GAS2L3: variants seen among roughly 807,000 people sequenced by gnomAD.
GAS2L3 encodes GAS2-like protein 3.
In GAS2L3, 28 loss-of-function variants were observed where a neutral mutation model predicts 37.0. That is an observed-to-expected ratio of 0.76 (90% CI 0.56 to 1.04). GAS2L3 has a LOEUF of 1.04. Ranked by LOEUF, GAS2L3 falls within the 50% of genes least tolerant of loss-of-function variation. GAS2L3 has a pLI of 0.00. For synonymous variants in GAS2L3, 290 were observed against 296.6 expected, an observed-to-expected ratio of 0.98 and a Z score of 0.23; for missense variants, 793 against 817.6, an observed-to-expected ratio of 0.97 and a Z score of 0.37.
At chr12:100,584,579 CT>C (rs1229412743) in intron 1 of GAS2L3, among the ~76,000 whole-genome samples, 150 of 145,330 alleles carry the variant, frequency 1.0e-3, no homozygotes, top group Non-Finnish European at 1.1e-3. Context: ...ACTTGAATGT[CT>C]TTTTTTTTTT....
intron 8 of GAS2L3, chr12:100,618,817 G>A: frequency 2.4e-6 from 1 of 425,358 alleles, no homozygotes; most frequent in Non-Finnish European, 4.1e-6. Context: ...GGAGTGGTGG[G>A]GCAAACAGAT....
intron 6 of GAS2L3, among the ~76,000 whole-genome samples, chr12:100,617,161 C>T (rs982554417): frequency 6.6e-6 from 1 of 152,090 alleles, no homozygotes; most frequent in Non-Finnish European, 1.5e-5. Flanking sequence ...GGCATAAATG[C>T]CACTTGCATG....
In GAS2L3 at chr12:100,625,657, G is replaced by A. The variant is rs893631430; in HGVS notation, c.*767G>A. 2.6e-5 allele frequency: 4 copies of A among 152,126 alleles called. No homozygotes were observed. The highest frequency in any genetic ancestry group is 9.6e-5 in the African/African-American group (4 of 41,494). 9.4% of individuals were successfully genotyped at this position (152,126 alleles called of 1,614,324 possible). On this transcript the variant is annotated 3_prime_UTR_variant, in exon 10 of 10. Transcript: ENST00000547754. ...AGACACCTTATGTTTCACATGTTGT[G>A]CAATGTGACAGGGGAAGCTGATTTA...
intron 1 of GAS2L3, among the ~76,000 whole-genome samples, chr12:100,585,723 T>C (rs1456685336): frequency 1.3e-5 from 2 of 152,202 alleles, no homozygotes; most frequent in Non-Finnish European, 2.9e-5. Flanking sequence ...TCTCTGACAG[T>C]TGCCAAATCC....
intron 1 of GAS2L3, chr12:100,578,941 G>A (rs1221526661): frequency 3.3e-6 from 3 of 919,142 alleles, no homozygotes; most frequent in Admixed American, 1.8e-5. Context: ...GAGGGGATAA[G>A]GTTATAATTG....
intron 3 of GAS2L3, among the ~76,000 whole-genome samples, 188 bp from the exon 4 acceptor site, chr12:100,600,194 C>G (rs913276220): frequency 1.3e-5 from 2 of 152,144 alleles, no homozygotes; most frequent in African/African-American, 2.4e-5. Flanking sequence ...TCACTGCACT[C>G]TAGCCTGGGC....
At chr12:100,612,898 A>G (rs915396703) in intron 6 of GAS2L3, among the ~76,000 whole-genome samples, 3 of 152,182 alleles carry the variant, frequency 2.0e-5, no homozygotes, top group Non-Finnish European at 2.9e-5. Context: ...GTAAAAAGCA[A>G]ACTGACTTTT....
chr12:100,598,688 C>T (rs1955945132), intron 3 of GAS2L3, among the ~76,000 whole-genome samples: 1 of 151,992 alleles, frequency 6.6e-6, no homozygotes, highest in Non-Finnish European at 1.5e-5. Flanking sequence ...TGGTATAATC[C>T]ATTCCTATCA....
chr12:100,614,661 G>T (rs1956165362), intron 6 of GAS2L3, among the ~76,000 whole-genome samples: 1 of 152,118 alleles, frequency 6.6e-6, no homozygotes, highest in Non-Finnish European at 1.5e-5. Context: ...TGGAAAATCT[G>T]TACCTATTAG....
intron 5 of GAS2L3, 89 bp from the exon 6 acceptor site, chr12:100,611,911 G>T: frequency 1.2e-6 from 1 of 854,744 alleles, no homozygotes; most frequent in Non-Finnish European, 1.9e-6. Context: ...ACAGGTGATG[G>T]ATTGAACATT....
chr12:100,618,656 G>A lies in GAS2L3; in HGVS notation c.648+69G>A, dbSNP rs906154025. On this transcript the variant is annotated intron_variant, in intron 8 of 9. Coordinates refer to ENST00000547754, the MANE Select transcript of GAS2L3 (RefSeq NM_174942.3). The stretch of plus-strand genomic sequence containing the variant: ...TCTCATAGTTTTAAGCACTTCTAGT[G>A]TGCTACAGGTGATGCTATTTTTAAA... 10 of 1,333,484 alleles carry A rather than the reference G, an allele frequency of 7.5e-6. No homozygotes were observed. In the Admixed American group the frequency reaches 1.4e-4, roughly 19 times the overall value. 82.6% of individuals were successfully genotyped at this position (1,333,484 alleles called of 1,614,324 possible). A position where few individuals can be genotyped will look rare whatever the true frequency, so the allele number is the denominator to read the frequency against.
chr12:100,606,020 A>G (rs1359210360), intron 5 of GAS2L3, among the ~76,000 whole-genome samples: 1 of 151,990 alleles, frequency 6.6e-6, no homozygotes, highest in African/African-American at 2.4e-5. Context: ...TCTATAGTGA[A>G]GATTAAGTCT....
intron 1 of GAS2L3, chr12:100,579,810 G>T: frequency 1.4e-6 from 1 of 723,714 alleles, no homozygotes; most frequent in Non-Finnish European, 2.5e-6. Context: ...ATCTTTGTGT[G>T]AGGGATTGGA....
chr12:100,580,131 C>T (rs1955692499), intron 1 of GAS2L3: 1 of 847,606 alleles, frequency 1.2e-6, no homozygotes, highest in Non-Finnish European at 2.1e-6. Flanking sequence ...CAAGGGGTGC[C>T]TGGACTCATA....
intron 5 of GAS2L3, among the ~76,000 whole-genome samples, chr12:100,608,754 G>A (rs555393191): frequency 5.9e-5 from 9 of 152,032 alleles, no homozygotes; most frequent in Admixed American, 2.0e-4. Flanking sequence ...CTCGTGATCC[G>A]CCCGCCTCGG....
intron 1 of GAS2L3, among the ~76,000 whole-genome samples, chr12:100,574,702 C>G (rs1227867533): frequency 6.6e-6 from 1 of 152,134 alleles, no homozygotes; most frequent in East Asian, 1.9e-4. Context: ...GAGCAAAAAA[C>G]AAACAAACAA....
chr12:100,574,373 T>C (rs983670937), intron 1 of GAS2L3, among the ~76,000 whole-genome samples: 1 of 152,192 alleles, frequency 6.6e-6, no homozygotes, highest in Non-Finnish European at 1.5e-5. Flanking sequence ...AACGCCCACA[T>C]GTGCGGAACT....
chr12:100,575,796 G>A (rs1408603713), intron 1 of GAS2L3, among the ~76,000 whole-genome samples: 1 of 151,966 alleles, frequency 6.6e-6, no homozygotes, highest in African/African-American at 2.4e-5. Context: ...TATTTTATAG[G>A]GGACAAAACT....
chr12:100,612,265 A>G (rs1956136771), intron 6 of GAS2L3, 124 bp downstream of exon 6: 3 of 734,534 alleles, frequency 4.1e-6, no homozygotes, highest in Non-Finnish European at 7.1e-6. Flanking sequence ...AGAAAAATGT[A>G]TACTTTGAAT....
Sources: gnomAD v4.1 joint callset for allele counts (sites outside exome capture counted in the v4.1 genomes callset) on GRCh38, gnomAD v4.1.1 for gene constraint, MANE v1.5 for transcripts, NCBI Gene and HGNC (gene_info 2026-07-23, HGNC 2026-07-21) for gene names.